Variants in TERT observed in about 807,000 individuals in gnomAD.
TERT encodes telomerase reverse transcriptase.
In TERT, 42 loss-of-function variants were observed where a neutral mutation model predicts 104.0. That is an observed-to-expected ratio of 0.40 (90% CI 0.32 to 0.52). TERT has a LOEUF of 0.52. Among genes scored for constraint, TERT ranks in the 20% least tolerant of loss-of-function variants. TERT has a pLI of 0.43. For missense variants in TERT, 1,101 were observed against 1,610.3 expected, an observed-to-expected ratio of 0.68 and a Z score of 5.41; for synonymous variants, 781 against 725.6, an observed-to-expected ratio of 1.08 and a Z score of -1.23.
chr5:1,282,195 C>A (rs1750066584), intron 3 of TERT, among the ~76,000 whole-genome samples: 1 of 152,232 alleles, frequency 6.6e-6, no homozygotes, highest in Non-Finnish European at 1.5e-5. Context: ...GCTTTACAAA[C>A]CCTAGAGACC....
intron 12 of TERT, among the ~76,000 whole-genome samples, chr5:1,259,921 G>A (rs192175124): frequency 1.1e-4 from 15 of 141,318 alleles, no homozygotes; most frequent in Non-Finnish European, 1.4e-4. Context: ...GAGTGGATGC[G>A]GATGCCCACA....
chr5:1,272,530 C>G lies in TERT; in HGVS notation c.2287-250G>C, dbSNP rs113467214. On this transcript the variant is annotated intron_variant, in intron 6 of 15. Coordinates refer to ENST00000310581, the MANE Select transcript of TERT (RefSeq NM_198253.3). Reference sequence around the variant, plus strand: ...TCAGACCCCTGTGACCGATCACCATCCACAGTCACCACATCAGACCCCACG... The same window carrying G: ...TCAGACCCCTGTGACCGATCACCATGCACAGTCACCACATCAGACCCCACG... 5.3e-5 allele frequency among the ~76,000 whole-genome samples: 7 copies of G among 131,192 alleles called. 1 individual carries two copies. The highest frequency in any genetic ancestry group is 2.5e-4 in the African/African-American group (7 of 28,532). 86.1% of individuals were successfully genotyped at this position (131,192 alleles called of 152,430 possible). A position where few individuals can be genotyped will look rare whatever the true frequency, so the allele number is the denominator to read the frequency against.
At chr5:1,280,485 C>T in intron 3 of TERT, 147 bp from the exon 4 acceptor site, 2 of 873,220 alleles carry the variant, frequency 2.3e-6, no homozygotes, top group South Asian at 3.0e-5. Flanking sequence ...GGGGCCACGT[C>T]CACCCATGCC....
At chr5:1,282,055 T>A (rs961180958) in intron 3 of TERT, among the ~76,000 whole-genome samples, 1 of 151,180 alleles carries the variant, frequency 6.6e-6, no homozygotes, top group Admixed American at 6.6e-5. Flanking sequence ...GCCACTGCAC[T>A]CCAGCCTGGG....
At position 1,265,410 on chromosome 5, in the gene TERT, A is replaced by G. The variant is rs1748518851; in HGVS notation, c.2655-818T>C. On this transcript the variant is annotated intron_variant, in intron 10 of 15. Coordinates refer to ENST00000310581, the MANE Select transcript of TERT (RefSeq NM_198253.3). The surrounding 1 kb of genome is among the most constrained non-coding windows in gnomAD (Gnocchi z 6.9). Reference sequence around the variant, plus strand: ...GAGACAGAGTTCTGCCCCCGGTGGGACCCCAACATACACTCTGAGCCACCT... The same window carrying G: ...GAGACAGAGTTCTGCCCCCGGTGGGGCCCCAACATACACTCTGAGCCACCT... Among the ~76,000 whole-genome samples, 1 of 151,832 alleles carries G rather than the reference A, an allele frequency of 6.6e-6. No individual in the cohort carries two copies. Among genetic ancestry groups the G allele is most frequent in the African/African-American group, 2.4e-5 (1 of 41,308 alleles).
rs935052811 is a variant in TERT at position 1,278,931 on chromosome 5, C to T, written c.2131-135G>A. 1.0e-4 allele frequency: 128 copies of T among 1,253,902 alleles called. 1 individual carries two copies. The highest frequency in any genetic ancestry group is 7.0e-4 in the South Asian group (56 of 79,436). The allele number at this position is 1,253,902 out of a possible 1,614,324, so 77.7% of individuals were successfully genotyped here. On this transcript the variant is annotated intron_variant, in intron 5 of 15. Transcript: ENST00000310581. Reference sequence around the variant, plus strand: ...ACCACTCCAGACCCCAAGGGCAGGGCGGGCTGTGTCCCCTCTCTGAGCCTC... The same window carrying T: ...ACCACTCCAGACCCCAAGGGCAGGGTGGGCTGTGTCCCCTCTCTGAGCCTC...
rs923510008 is a variant in TERT, at chr5:1,269,797, G to C, written c.2469-1164C>G. On this transcript the variant is annotated intron_variant, in intron 8 of 15. Transcript: ENST00000310581. This position sits in a 1 kb window ranked among gnomAD's most constrained non-coding sequence, Gnocchi z 9.0. Reference sequence around the variant, plus strand: ...GCACATGGGATGGGAAACTCTCTCTGTTCTTAGTTTTTGGGGCAACAGGTT... The same window carrying C: ...GCACATGGGATGGGAAACTCTCTCTCTTCTTAGTTTTTGGGGCAACAGGTT... Among the ~76,000 whole-genome samples the C allele has an allele frequency of 4.6e-5, 7 of 152,128 alleles. No individual in the cohort carries two copies. In the South Asian group the frequency reaches 1.4e-3, roughly 31 times the overall value.
chr5:1,261,104 G>C lies in TERT; in HGVS notation c.2844-504C>G, dbSNP rs1026741028. On this transcript the variant is annotated intron_variant, in intron 11 of 15. Transcript: ENST00000310581. The surrounding 1 kb of genome is among the most constrained non-coding windows in gnomAD (Gnocchi z 7.4). Reference sequence around the variant, plus strand: ...CGTGGCACACATGGTGTCTCCAGAGGGGCAGGATGGAGGCATCCCACCGAT... The same window carrying C: ...CGTGGCACACATGGTGTCTCCAGAGCGGCAGGATGGAGGCATCCCACCGAT... Among the ~76,000 whole-genome samples, 1 of 152,056 alleles carries C rather than the reference G, an allele frequency of 6.6e-6. No individual in the cohort carries two copies. Among genetic ancestry groups the C allele is most frequent in the Admixed American group, 6.6e-5 (1 of 15,264 alleles).
rs1026816364 is a variant in TERT, at chr5:1,270,612, C to T, written c.2468+507G>A. On this transcript the variant is annotated intron_variant, in intron 8 of 15. Coordinates refer to ENST00000310581, the MANE Select transcript of TERT (RefSeq NM_198253.3). This position sits in a 1 kb window ranked among gnomAD's most constrained non-coding sequence, Gnocchi z 8.3. Reference sequence around the variant, plus strand: ...GGCCCCCCGAGAGGAGCAAACTACACGGTCAACCCCGCACTTTCCAGATGG... The same window carrying T: ...GGCCCCCCGAGAGGAGCAAACTACATGGTCAACCCCGCACTTTCCAGATGG... Among the ~76,000 whole-genome samples the T allele has an allele frequency of 2.0e-5, 3 of 152,338 alleles. No individual in the cohort carries two copies. The highest frequency in any genetic ancestry group is 2.1e-4 in the South Asian group (1 of 4,822).
Position 1,294,564 on chromosome 5 carries a change from G to T in TERT, c.322C>A (p.Arg108Ser), listed in dbSNP as rs1478218565. ...AFGFALLDGA[R>S]GGPPEAFTTS... ...GTGAAGGCCTCGGGGGGGCCCCCGC[G>T]GGCCCCGTCCAGCAGCGCGAAGCCG... The change falls in exon 2 of 16, where the codon CGC (arginine) becomes AGC (serine). Residue 108 changes from arginine to serine, a missense_variant. Coordinates refer to ENST00000310581, the MANE Select transcript of TERT (RefSeq NM_198253.3). The T allele has an allele frequency of 6.3e-7, 1 of 1,583,730 alleles. No homozygotes were observed. Among genetic ancestry groups the T allele is most frequent in the Non-Finnish European group, 8.5e-7 (1 of 1,172,782 alleles).
rs1060504796 is a variant in TERT at position 1,266,542 on chromosome 5, T to C, written c.2583-7A>G. 1.9e-5 allele frequency: 30 copies of C among 1,604,038 alleles called. No homozygotes were observed. The highest frequency in any genetic ancestry group is 2.4e-5 in the Non-Finnish European group (28 of 1,174,882). On this transcript the variant is annotated splice_region_variant and splice_polypyrimidine_tract_variant and intron_variant, in intron 9 of 15. Coordinates refer to ENST00000310581, the MANE Select transcript of TERT (RefSeq NM_198253.3). ...CACCAAACGCAGGAGCAGCCTAAAA[T>C]AAGGGAAAATACACAGCAAGGTTAA... is the stretch of plus-strand genomic sequence containing the variant.
At chr5:1,277,984 G>A (rs868236374) in intron 6 of TERT, among the ~76,000 whole-genome samples, 2 of 151,160 alleles carry the variant, frequency 1.3e-5, no homozygotes, top group African/African-American at 4.9e-5. Context: ...GGCCGCTCTG[G>A]GAGGAGTGTG....
Position 1,268,437 on chromosome 5 carries a change from A to G in TERT, c.2582+83T>C. On this transcript the variant is annotated intron_variant, in intron 9 of 15. Coordinates refer to ENST00000310581, the MANE Select transcript of TERT (RefSeq NM_198253.3). The surrounding 1 kb of genome is among the most constrained non-coding windows in gnomAD (Gnocchi z 5.5). ...TCAAGACAGAGCAGTCATGGTCTCCAGAGCACCAGGAATATTAACACTGAA... is the reference window on the plus strand; with the variant it reads ...TCAAGACAGAGCAGTCATGGTCTCCGGAGCACCAGGAATATTAACACTGAA... 1 of 1,088,440 alleles carries G rather than the reference A, an allele frequency of 9.2e-7. No homozygotes were observed. Among genetic ancestry groups the G allele is most frequent in the Non-Finnish European group, 1.4e-6 (1 of 725,610 alleles). The allele number at this position is 1,088,440 out of a possible 1,614,324, so 67.4% of individuals were successfully genotyped here.
rs1748251457 is a variant in TERT at position 1,261,813 on chromosome 5, G to A, written c.2844-1213C>T. Among the ~76,000 whole-genome samples the A allele has an allele frequency of 6.6e-6, 1 of 152,212 alleles. No individual in the cohort carries two copies. The highest frequency in any genetic ancestry group is 2.4e-5 in the African/African-American group (1 of 41,436). On this transcript the variant is annotated intron_variant, in intron 11 of 15. Transcript: ENST00000310581. The surrounding 1 kb of genome is among the most constrained non-coding windows in gnomAD (Gnocchi z 7.4). ...GTCCTCGGGCAGAGCAAGGGCCCCG[G>A]AGCAGGAGGCCAGGCTGCAATCATG...
At chr5:1,289,376 A>G (rs1162126358) in intron 2 of TERT, among the ~76,000 whole-genome samples, 2 of 122,716 alleles carry the variant, frequency 1.6e-5, no homozygotes, top group Admixed American at 8.1e-5. Flanking sequence ...ACACCCGGGG[A>G]CGGGGCCTCA....
chr5:1,289,167 C>CCT (rs1750686181), intron 2 of TERT, among the ~76,000 whole-genome samples: 1 of 149,806 alleles, frequency 6.7e-6, no homozygotes, highest in Non-Finnish European at 1.5e-5. Context: ...CACCCGGGGG[C>CCT]CGCAACTCAC....
rs1356157731 is a variant in TERT at position 1,268,177 on chromosome 5, C to G, written c.2582+343G>C. On this transcript the variant is annotated intron_variant, in intron 9 of 15. Coordinates refer to ENST00000310581, the MANE Select transcript of TERT (RefSeq NM_198253.3). The surrounding 1 kb of genome is among the most constrained non-coding windows in gnomAD (Gnocchi z 5.5). ...TGTGGGGCCTCAGGCTGCACCAGCC[C>G]CATCTCCCCAAGGACCCTAACGGAA... 6.6e-6 allele frequency among the ~76,000 whole-genome samples: 1 copy of G among 152,194 alleles called. No homozygotes were observed. The highest frequency in any genetic ancestry group is 1.5e-5 in the Non-Finnish European group (1 of 68,018).
At position 1,264,427 on chromosome 5, in the gene TERT, C is replaced by A. The variant is rs771921274; in HGVS notation, c.2820G>T (p.Leu940=). 2.5e-6 allele frequency: 4 copies of A among 1,613,360 alleles called. No homozygotes were observed. In the South Asian group the frequency reaches 3.3e-5, roughly 13 times the overall value. Residue 940 remains leucine, a synonymous_variant, in exon 11 of 16, where the codon CTG becomes CTT. Coordinates refer to ENST00000310581, the MANE Select transcript of TERT (RefSeq NM_198253.3). ...WCGLLLDTRT[L]EVQSDYSSYA... ...ACCTGGAGTAGTCGCTCTGCACCTCCAGGGTCCGGGTATCCAGCAGCAGGC... is the reference window on the plus strand; with the variant it reads ...ACCTGGAGTAGTCGCTCTGCACCTCAAGGGTCCGGGTATCCAGCAGCAGGC...
In TERT at chr5:1,288,767, G is replaced by A. The variant is rs1291386977; in HGVS notation, c.1573+4546C>T. Among the ~76,000 whole-genome samples, 2 of 152,288 alleles carry A rather than the reference G, an allele frequency of 1.3e-5. No homozygotes were observed. Among genetic ancestry groups the A allele is most frequent in the East Asian group, 3.9e-4 (2 of 5,172 alleles). On this transcript the variant is annotated intron_variant, in intron 2 of 15. Transcript: ENST00000310581. The surrounding 1 kb of genome is among the most constrained non-coding windows in gnomAD (Gnocchi z 5.3). Reference sequence around the variant, plus strand: ...TCCAGCCTCGGCATGAGACAAGCTGGGAGAGGAGTATTGGCAGCATGCATG... The same window carrying A: ...TCCAGCCTCGGCATGAGACAAGCTGAGAGAGGAGTATTGGCAGCATGCATG...
Sources: gnomAD v4.1 joint callset for allele counts (sites outside exome capture counted in the v4.1 genomes callset) on GRCh38, gnomAD v4.1.1 for gene constraint, Gnocchi (gnomAD v3.1) non-coding constraint, MANE v1.5 for transcripts, NCBI Gene and HGNC (gene_info 2026-07-23, HGNC 2026-07-21) for gene names.